The following ABL2 variants were observed in gnomAD, a reference collection of about 807,000 sequenced individuals.
ABL2 encodes the protein ABL proto-oncogene 2, non-receptor tyrosine kinase.
In ABL2, 49 loss-of-function variants were observed where a neutral mutation model predicts 107.7. The observed-to-expected ratio is 0.45, with a 90% CI of 0.36 to 0.58. ABL2 has a LOEUF of 0.58. Among genes scored for constraint, ABL2 ranks in the 20% least tolerant of loss-of-function variants. ABL2 has a pLI of 0.00. For synonymous variants in ABL2, 549 were observed against 548.6 expected, an observed-to-expected ratio of 1.00 and a Z score of -0.01; for missense variants, 1,245 against 1,457.0, an observed-to-expected ratio of 0.85 and a Z score of 2.37.
chr1:179,155,688 G>A (rs1272452652), intron 1 of ABL2, among the ~76,000 whole-genome samples: 1 of 150,890 alleles, frequency 6.6e-6, no homozygotes, highest in East Asian at 1.9e-4. Flanking sequence ...CCGAGATCGG[G>A]CCACTACACT....
At chr1:179,212,043 G>A (rs764558505) in intron 1 of ABL2, among the ~76,000 whole-genome samples, 3 of 152,072 alleles carry the variant, frequency 2.0e-5, no homozygotes, top group Non-Finnish European at 4.4e-5. Flanking sequence ...TACATGTCTG[G>A]GGAGGCCTCA....
In ABL2 at chr1:179,106,535, T is replaced by C; in HGVS notation, c.*1183A>G. The C allele has an allele frequency of 4.3e-6, 1 of 232,972 alleles. No individual in the cohort carries two copies. The highest frequency in any genetic ancestry group is 6.0e-5 in the East Asian group (1 of 16,540). 14.4% of individuals were successfully genotyped at this position (232,972 alleles called of 1,614,324 possible). A position where few individuals can be genotyped will look rare whatever the true frequency, so the allele number is the denominator to read the frequency against. ...AGAGAAGAAAAGCATGTGAGAATAA[T>C]GTGGGGGTGATTCACTTCAAATCCA... is the stretch of plus-strand genomic sequence containing the variant. On this transcript the variant is annotated 3_prime_UTR_variant, in exon 12 of 12. Transcript: ENST00000502732.
At chr1:179,226,515 C>G (rs1305633933) in intron 1 of ABL2, among the ~76,000 whole-genome samples, 5 of 151,872 alleles carry the variant, frequency 3.3e-5, no homozygotes, top group African/African-American at 1.2e-4. Flanking sequence ...CACCATGTTG[C>G]TCAGGCTGGT....
Position 179,229,632 on chromosome 1 carries a change from A to ACGCCGCCGCCGC in ABL2, c.-247_-236dup, listed in dbSNP as rs3046363. ...CTCCTGTCGCGGCTCCGCGCCCCCAACGCCGCCGCCGCCGCCGCCGCCACC... is the reference window on the plus strand; with the variant it reads ...CTCCTGTCGCGGCTCCGCGCCCCCAACGCCGCCGCCGCCGCCGCCGCCGCCGCCGCCGCCACC... On this transcript the variant is annotated 5_prime_UTR_variant, in exon 1 of 12. Coordinates refer to ENST00000502732, the MANE Select transcript of ABL2 (RefSeq NM_007314.4). 428 of 451,792 alleles carry ACGCCGCCGCCGC rather than the reference A, an allele frequency of 9.5e-4. No individual in the cohort carries two copies. The highest frequency in any genetic ancestry group is 3.4e-3 in the East Asian group (83 of 24,754). The allele number at this position is 451,792 out of a possible 1,614,324, so 28.0% of individuals were successfully genotyped here.
intron 1 of ABL2, among the ~76,000 whole-genome samples, chr1:179,221,338 C>T (rs555335634): frequency 1.3e-5 from 2 of 152,262 alleles, no homozygotes; most frequent in East Asian, 1.9e-4. Context: ...CATTTGTAGT[C>T]CCAGCACGTT....
intron 10 of ABL2, 36 bp from the exon 11 acceptor site, chr1:179,110,491 A>G: frequency 5.7e-6 from 9 of 1,571,660 alleles, no homozygotes; most frequent in South Asian, 1.2e-5. Context: ...AAAAAGAACA[A>G]TTTCATAGCA....
intron 1 of ABL2, among the ~76,000 whole-genome samples, chr1:179,165,006 T>C (rs913170426): frequency 4.6e-5 from 7 of 152,202 alleles, no homozygotes; most frequent in African/African-American, 9.6e-5. Context: ...ACAATTTATA[T>C]TGTAGTAGAA....
chr1:179,186,875 C>A (rs921045003), intron 1 of ABL2, among the ~76,000 whole-genome samples: 1 of 151,658 alleles, frequency 6.6e-6, no homozygotes, highest in Non-Finnish European at 1.5e-5. Flanking sequence ...TAGCTGGGAC[C>A]ACAGGTGCAT....
rs1380013334 is a variant in ABL2, at chr1:179,106,601, G to A, written c.*1117C>T. On this transcript the variant is annotated 3_prime_UTR_variant, in exon 12 of 12. Transcript: ENST00000502732. Reference sequence around the variant, plus strand: ...CTCTCCCTATTCTCTACCTGGATTGGGCTTAAGGTGGTAAGGGAAGGGAAA... The same window carrying A: ...CTCTCCCTATTCTCTACCTGGATTGAGCTTAAGGTGGTAAGGGAAGGGAAA... 4.3e-6 allele frequency: 1 copy of A among 232,742 alleles called. No homozygotes were observed. The highest frequency in any genetic ancestry group is 8.5e-6 in the Non-Finnish European group (1 of 117,818). 14.4% of individuals were successfully genotyped at this position (232,742 alleles called of 1,614,324 possible). A position where few individuals can be genotyped will look rare whatever the true frequency, so the allele number is the denominator to read the frequency against.
At chr1:179,133,226 T>G in intron 2 of ABL2, 86 bp downstream of exon 2, 1 of 1,579,962 alleles carries the variant, frequency 6.3e-7, no homozygotes, top group Non-Finnish European at 8.6e-7. Flanking sequence ...AATTTGTGGT[T>G]CCATTTATTT....
In ABL2 at chr1:179,117,249, A is replaced by G. The variant is rs758553282; in HGVS notation, c.1408+83T>C. The G allele has an allele frequency of 5.9e-5, 81 of 1,377,422 alleles. No homozygotes were observed. The African/African-American group carries it at 1.0e-3, about 17-fold the overall frequency. The allele number at this position is 1,377,422 out of a possible 1,614,324, so 85.3% of individuals were successfully genotyped here. A position where few individuals can be genotyped will look rare whatever the true frequency, so the allele number is the denominator to read the frequency against. On this transcript the variant is annotated intron_variant, in intron 8 of 11. Transcript: ENST00000502732. ...CAGGTAAAGGTAGAGGATACTGAAC[A>G]TCGTAAGAGAAGCTCTAAAGAATCA...
At chr1:179,226,067 A>G (rs1232159650) in intron 1 of ABL2, among the ~76,000 whole-genome samples, 5 of 146,990 alleles carry the variant, frequency 3.4e-5, no homozygotes, top group Non-Finnish European at 6.0e-5. Flanking sequence ...AAAAAAAAAA[A>G]AAAGAAACTA....
At chr1:179,224,863 A>C (rs1663104209) in intron 1 of ABL2, among the ~76,000 whole-genome samples, 1 of 151,716 alleles carries the variant, frequency 6.6e-6, no homozygotes, top group Non-Finnish European at 1.5e-5. Context: ...AAAAAAAAAA[A>C]AAAAAACACA....
chr1:179,190,409 G>A (rs1444885410), intron 1 of ABL2, among the ~76,000 whole-genome samples: 2 of 152,190 alleles, frequency 1.3e-5, no homozygotes, highest in African/African-American at 4.8e-5. Context: ...CAAGGTGTGG[G>A]AGAAGAGGGG....
intron 1 of ABL2, among the ~76,000 whole-genome samples, chr1:179,225,150 C>A (rs1007272107): frequency 6.6e-6 from 1 of 152,126 alleles, no homozygotes; most frequent in Non-Finnish European, 1.5e-5. Flanking sequence ...ATTACATTCA[C>A]AAAAATCACT....
At chr1:179,148,605 C>T (rs2816185) in intron 1 of ABL2, among the ~76,000 whole-genome samples, 52,420 of 152,004 alleles carry the variant, frequency 0.34, 9,477 homozygotes, top group East Asian at 0.49. Context: ...CACAACAATA[C>T]TGAAATTAGG....
chr1:179,134,244 C>T (rs1656624816), intron 1 of ABL2, among the ~76,000 whole-genome samples: 1 of 152,148 alleles, frequency 6.6e-6, no homozygotes, highest in Admixed American at 6.5e-5. Flanking sequence ...TCACATTAAA[C>T]AGTATTTAAA....
At chr1:179,212,839 G>A (rs961169114) in intron 1 of ABL2, among the ~76,000 whole-genome samples, 2 of 151,406 alleles carry the variant, frequency 1.3e-5, no homozygotes, top group African/African-American at 4.9e-5. Context: ...CTGAGATCTG[G>A]AGCTCAAGAC....
At position 179,108,985 on chromosome 1, in the gene ABL2, A is replaced by C; in HGVS notation, c.2282T>G (p.Leu761Arg). Residue 761 changes from leucine (L) to arginine (R), a missense_variant, in exon 12 of 12, where the codon CTG becomes CGG. This residue lies in a region of ABL2 where 761 missense variants were observed against 766.4 expected (regional missense o/e 0.99). Transcript: ENST00000502732. ...FFTPRLIKKT[L>R]GLRAGKPTAS... ...TGTGGGTTTACCTGCTCGTAAGCCC[A>C]GTGTCTTTTTGATTAAGCGTGGTGT... 2 of 1,614,078 alleles carry C rather than the reference A, an allele frequency of 1.2e-6. No individual in the cohort carries two copies. Among genetic ancestry groups the C allele is most frequent in the Non-Finnish European group, 1.7e-6 (2 of 1,180,028 alleles).
Sources: allele counts gnomAD v4.1 joint callset (sites outside exome capture counted in the v4.1 genomes callset), GRCh38; gene constraint gnomAD v4.1.1; regional missense constraint gnomAD v4.1.1; transcripts MANE v1.5; gene names NCBI Gene and HGNC (gene_info 2026-07-23, HGNC 2026-07-21).